Variants in DTX1 observed in about 807,000 individuals in gnomAD.
DTX1 encodes the protein deltex E3 ubiquitin ligase 1.
Under a neutral mutation model 57.8 loss-of-function variants are expected in DTX1, and 26 were observed. The observed-to-expected ratio is 0.45, with a 90% CI of 0.33 to 0.62. The LOEUF is 0.62. DTX1 is among the 20% of genes least tolerant of loss of function. The probability of loss-of-function intolerance (pLI) is 0.02; values close to 1 mark genes in which losing one functional copy is unlikely to be tolerated. For missense variants in DTX1, 704 were observed against 895.3 expected (o/e 0.79, Z 2.73); for synonymous variants, 398 against 394.1 (o/e 1.01, Z -0.12).
rs1475134876 is a variant in DTX1, at chr12:113,094,837, G to C, written c.1276G>C (p.Gly426Arg). 1.2e-6 allele frequency: 2 copies of C among 1,613,830 alleles called. No homozygotes were observed. The highest frequency in any genetic ancestry group is 2.2e-5 in the South Asian group (2 of 91,080). Residue 426 changes from glycine (G) to arginine (R), a missense_variant, in exon 7 of 10, where the codon GGC becomes CGC. Transcript: ENST00000548759. ...ERLVTASGYE[G>R]VLRHKGVRPE... ...ACTGGTCACAGCATCAGGCTACGAGGGCGTGCTTCGGCACAAGGGCGTGCG... is the reference window on the plus strand; with the variant it reads ...ACTGGTCACAGCATCAGGCTACGAGCGCGTGCTTCGGCACAAGGGCGTGCG...
chr12:113,093,670 C>T lies in DTX1; in HGVS notation c.1135C>T (p.Arg379Cys), dbSNP rs768238335. Residue 379 changes from arginine (R) to cysteine (C), a missense_variant, in exon 5 of 10, where the codon CGC becomes TGC. Physicochemically the swap from Arg to Cys is radical, Grantham distance 180 (BLOSUM62 -3). Transcript: ENST00000548759. This position sits in a 1 kb window ranked among gnomAD's most constrained non-coding sequence, Gnocchi z 4.2. Reference sequence around the variant, plus strand: ...CGTGCCTGGCGTGCCCGGGGTGTGCCGCAAGACCAAGAAGAAGCACCTTAA... The same window carrying T: ...CGTGCCTGGCGTGCCCGGGGTGTGCTGCAAGACCAAGAAGAAGCACCTTAA... ...KPVPGVPGVC[R>C]KTKKKHLKKS... 1.2e-6 allele frequency: 2 copies of T among 1,613,758 alleles called. No homozygotes were observed. Among genetic ancestry groups the T allele is most frequent in the South Asian group, 2.2e-5 (2 of 91,070 alleles).
At chr12:113,087,286 A>T (rs2044868111) in intron 3 of DTX1, among the ~76,000 whole-genome samples, 1 of 152,188 alleles carries the variant, frequency 6.6e-6, no homozygotes, top group South Asian at 2.1e-4. Flanking sequence ...CATTTCACAG[A>T]GGGGACACTG....
intron 1 of DTX1, 116 bp downstream of exon 1, chr12:113,057,060 G>C (rs1487961701): frequency 6.6e-6 from 1 of 152,182 alleles, no homozygotes; most frequent in African/African-American, 2.4e-5. Context: ...GGGAGGCAGA[G>C]ACGATCCAGC....
In DTX1 at chr12:113,058,223, C is replaced by T. The variant is rs545955103; in HGVS notation, c.31C>T (p.Pro11Ser). The T allele has an allele frequency of 6.2e-7, 1 of 1,612,216 alleles. No homozygotes were observed. The highest frequency in any genetic ancestry group is 1.3e-5 in the African/African-American group (1 of 75,026). MSRPGHGGLM[P>S]VNGLGFPPQN... is the part of the protein sequence containing the mutation. Reference sequence around the variant, plus strand: ...ACGGCCAGGCCACGGTGGGCTGATGCCTGTGAATGGTCTGGGCTTCCCACC... The same window carrying T: ...ACGGCCAGGCCACGGTGGGCTGATGTCTGTGAATGGTCTGGGCTTCCCACC... Residue 11 changes from proline to serine, a missense_variant, in exon 2 of 10, where the codon CCT becomes TCT. Transcript: ENST00000548759.
intron 2 of DTX1, among the ~76,000 whole-genome samples, chr12:113,059,252 T>C (rs2044650778): frequency 6.6e-6 from 1 of 151,918 alleles, no homozygotes; most frequent in African/African-American, 2.4e-5. Flanking sequence ...TGGGATTCAG[T>C]GGTGTTGGTG....
Position 113,077,671 on chromosome 12 carries a change from G to C in DTX1, c.507G>C (p.Leu169=). The stretch of plus-strand genomic sequence containing the variant: ...GCCAGACGCGCCGGCGCCGCCGCCT[G>C]CGCCGCCGCCTGGACCTCGCCTACC... ...MNRQTRRRRR[L]RRRLDLAYPL... is the part of the protein sequence containing the mutation. The change falls in exon 3 of 10, where the codon CTG becomes CTC. Residue 169 remains leucine, a synonymous_variant. Transcript: ENST00000548759. This position sits in a 1 kb window ranked among gnomAD's most constrained non-coding sequence, Gnocchi z 7.8. The C allele has an allele frequency of 6.4e-7, 1 of 1,571,902 alleles. No homozygotes were observed. The highest frequency in any genetic ancestry group is 8.6e-7 in the Non-Finnish European group (1 of 1,163,276).
chr12:113,068,549 C>G (rs2044719771), intron 2 of DTX1, among the ~76,000 whole-genome samples: 1 of 152,208 alleles, frequency 6.6e-6, no homozygotes, highest in African/African-American at 2.4e-5. Flanking sequence ...AATACAGAGG[C>G]ATAACCGCAC....
At chr12:113,078,568 C>CAGTT (rs888156031) in intron 3 of DTX1, among the ~76,000 whole-genome samples, 15 of 152,318 alleles carry the variant, frequency 9.8e-5, no homozygotes, top group African/African-American at 3.4e-4. Context: ...TTCCACCAAA[C>CAGTT]AGTTCTACCA....
At chr12:113,063,445 T>C (rs1442202208) in intron 2 of DTX1, among the ~76,000 whole-genome samples, 2 of 152,192 alleles carry the variant, frequency 1.3e-5, no homozygotes, top group African/African-American at 4.8e-5. Context: ...CCGCAGAAGC[T>C]CCCAGCTCGC....
chr12:113,062,818 TTTGTTCA>T (rs1566013079), intron 2 of DTX1, among the ~76,000 whole-genome samples: 1 of 152,174 alleles, frequency 6.6e-6, no homozygotes, highest in Non-Finnish European at 1.5e-5. Context: ...GGGGCTGCGG[TTTGTTCA>T]GCCGTGCCCC....
intron 2 of DTX1, among the ~76,000 whole-genome samples, chr12:113,059,195 T>C (rs570681172): frequency 1.3e-5 from 2 of 152,056 alleles, no homozygotes; most frequent in East Asian, 1.9e-4. Flanking sequence ...GGATGGATGA[T>C]GGTGACGTGG....
At chr12:113,087,144 C>T (rs1283334755) in intron 3 of DTX1, among the ~76,000 whole-genome samples, 2 of 151,590 alleles carry the variant, frequency 1.3e-5, no homozygotes, top group African/African-American at 4.9e-5. Flanking sequence ...ACCCCCGCAG[C>T]CCCCATACCT....
chr12:113,072,207 C>T (rs1169389554), intron 2 of DTX1, among the ~76,000 whole-genome samples: 2 of 152,224 alleles, frequency 1.3e-5, no homozygotes, highest in Non-Finnish European at 2.9e-5. Context: ...TTGCAGATGT[C>T]TTCTTTGCAC....
At chr12:113,084,890 T>C (rs2044844388) in intron 3 of DTX1, among the ~76,000 whole-genome samples, 1 of 152,176 alleles carries the variant, frequency 6.6e-6, no homozygotes, top group East Asian at 1.9e-4. Context: ...TTTTGGATCA[T>C]GGTCCCAGAA....
rs1374193742 is a variant in DTX1, at chr12:113,077,179, C to T, written c.260-245C>T. On this transcript the variant is annotated intron_variant, in intron 2 of 9. Coordinates refer to ENST00000548759, the MANE Select transcript of DTX1 (RefSeq NM_004416.3). The surrounding 1 kb of genome is among the most constrained non-coding windows in gnomAD (Gnocchi z 7.8). ...GTGCTATGCGCTGAACCTTTAGCCC[C>T]GGCCCCCCTCACCCTGGCTGCCGCC... Among the ~76,000 whole-genome samples the T allele has an allele frequency of 1.3e-5, 2 of 152,178 alleles. No homozygotes were observed. Among genetic ancestry groups the T allele is most frequent in the Non-Finnish European group, 2.9e-5 (2 of 68,022 alleles).
chr12:113,061,388 T>C lies in DTX1; in HGVS notation c.259+2937T>C, dbSNP rs1592840636. ...TCCTCACCAGATATGTGAGGGTTTT[T>C]CCCTCGCTTTACCCAGGAGCAAAAC... On this transcript the variant is annotated intron_variant, in intron 2 of 9. Transcript: ENST00000548759. Among the ~76,000 whole-genome samples the C allele has an allele frequency of 4.6e-5, 7 of 152,274 alleles. No homozygotes were observed. The South Asian group carries it at 1.5e-3, about 32-fold the overall frequency.
In DTX1 at chr12:113,056,889, G is replaced by C. The variant is rs1398851433; in HGVS notation, c.-800G>C. Reference sequence around the variant, plus strand: ...TCCCTCCCACTCCGGGGGGAGCCCAGGAGGCGGCGGTGCTGGAGCGCGAGC... The same window carrying C: ...TCCCTCCCACTCCGGGGGGAGCCCACGAGGCGGCGGTGCTGGAGCGCGAGC... On this transcript the variant is annotated 5_prime_UTR_variant, in exon 1 of 10. Coordinates refer to ENST00000548759, the MANE Select transcript of DTX1 (RefSeq NM_004416.3). The C allele has an allele frequency of 6.6e-6, 1 of 152,654 alleles. No individual in the cohort carries two copies. The highest frequency in any genetic ancestry group is 1.5e-5 in the Non-Finnish European group (1 of 68,426). The allele number at this position is 152,654 out of a possible 1,614,324, so 9.5% of individuals were successfully genotyped here.
chr12:113,090,294 G>T (rs1047014997), intron 3 of DTX1, among the ~76,000 whole-genome samples: 11 of 152,120 alleles, frequency 7.2e-5, no homozygotes, highest in Non-Finnish European at 1.6e-4. Flanking sequence ...TAAAAGTATA[G>T]AGAGGGAGGA....
intron 2 of DTX1, among the ~76,000 whole-genome samples, chr12:113,075,801 C>G (rs2044767287): frequency 6.6e-6 from 1 of 151,808 alleles, no homozygotes; most frequent in African/African-American, 2.4e-5. Flanking sequence ...GGGATGAGCA[C>G]AAAGTGTGAA....
Sources: gnomAD v4.1 joint callset for allele counts (sites outside exome capture counted in the v4.1 genomes callset) on GRCh38, gnomAD v4.1.1 for gene constraint, Gnocchi (gnomAD v3.1) non-coding constraint, MANE v1.5 for transcripts, NCBI Gene and HGNC (gene_info 2026-07-23, HGNC 2026-07-21) for gene names.